CFHR3: variants seen among roughly 807,000 people sequenced by gnomAD.
The protein encoded by CFHR3 is complement factor H-related protein 3.
Under a neutral mutation model 36.0 loss-of-function variants are expected in CFHR3, and 22 were observed. That is an observed-to-expected ratio of 0.61 (90% confidence interval 0.44 to 0.87). CFHR3 has a LOEUF of 0.87. Ranked by LOEUF, CFHR3 falls within the 40% of genes least tolerant of loss-of-function variation. The pLI, the probability that CFHR3 is intolerant of heterozygous loss-of-function variation, is 0.00. For synonymous variants in CFHR3, 97 were observed against 137.4 expected, an observed-to-expected ratio of 0.71 and a Z score of 2.06; for missense variants, 276 against 401.3, an observed-to-expected ratio of 0.69 and a Z score of 2.67.
intron 1 of CFHR3, among the ~76,000 whole-genome samples, chr1:196,776,621 C>T (rs747297400): frequency 7.3e-6 from 1 of 136,086 alleles, no homozygotes; most frequent in African/African-American, 3.1e-5. Flanking sequence ...AGAAAACAAC[C>T]ATTTACAAGG....
rs749235507 is a variant in CFHR3 at position 196,788,828 on chromosome 1, T to C, written c.613+430T>C. 1.3e-5 allele frequency: 19 copies of C among 1,456,580 alleles called. 5 individuals carry two copies. The South Asian group carries it at 2.3e-4, about 17-fold the overall frequency. The allele number at this position is 1,456,580 out of a possible 1,614,324, so 90.2% of individuals were successfully genotyped here. A position where few individuals can be genotyped will look rare whatever the true frequency, so the allele number is the denominator to read the frequency against. On this transcript the variant is annotated intron_variant, in intron 4 of 5. Coordinates refer to ENST00000367425, the MANE Select transcript of CFHR3 (RefSeq NM_021023.6). ...TGAGTGCTTAATTCTGAATTTCTGCTAGCGTCAGGAGAATCAGACCTTAAT... is the reference window on the plus strand; with the variant it reads ...TGAGTGCTTAATTCTGAATTTCTGCCAGCGTCAGGAGAATCAGACCTTAAT...
In CFHR3 at chr1:196,789,618, A is replaced by G. The variant is rs1654343380; in HGVS notation, c.614-427A>G. On this transcript the variant is annotated intron_variant, in intron 4 of 5. Coordinates refer to ENST00000367425, the MANE Select transcript of CFHR3 (RefSeq NM_021023.6). ...CATAAATGGTTACATTAACTTTTAA[A>G]TTCACAAATTTAAAAGCGGTTTAAG... The G allele has an allele frequency of 1.9e-5, 26 of 1,382,174 alleles. 3 individuals are homozygous for G. The highest frequency in any genetic ancestry group is 2.4e-5 in the Non-Finnish European group (25 of 1,038,426). The allele number at this position is 1,382,174 out of a possible 1,614,324, so 85.6% of individuals were successfully genotyped here. A position where few individuals can be genotyped will look rare whatever the true frequency, so the allele number is the denominator to read the frequency against.
Position 196,790,096 on chromosome 1 carries a change from C to T in CFHR3, c.665C>T (p.Thr222Ile), listed in dbSNP as rs768616119. The change falls in exon 5 of 6, where the codon ACC (threonine) becomes ATC (isoleucine). Residue 222 changes from threonine (T) to isoleucine (I), a missense_variant. This residue lies in a region of CFHR3 where 22 missense variants were observed against 74.3 expected (regional missense o/e 0.30). Transcript: ENST00000367425. ...PPPPISNGDT[T>I]SFLLKVYVPQ... ...CCACCTATTAGCAATGGTGATACCACCTCCTTTCTACTAAAAGTGTATGTG... is the reference window on the plus strand; with the variant it reads ...CCACCTATTAGCAATGGTGATACCATCTCCTTTCTACTAAAAGTGTATGTG... The T allele has an allele frequency of 2.2e-6, 3 of 1,370,346 alleles. No homozygotes were observed. Among genetic ancestry groups the T allele is most frequent in the Non-Finnish European group, 1.9e-6 (2 of 1,029,286 alleles). 84.9% of individuals were successfully genotyped at this position (1,370,346 alleles called of 1,614,324 possible).
intron 1 of CFHR3, among the ~76,000 whole-genome samples, chr1:196,775,238 G>C (rs1249474802): frequency 7.3e-6 from 1 of 136,790 alleles, no homozygotes; most frequent in Non-Finnish European, 1.6e-5. Flanking sequence ...CTTTAAGTAG[G>C]AAACATGTCA....
chr1:196,780,932 C>T (rs1653922442), intron 3 of CFHR3, among the ~76,000 whole-genome samples: 1 of 118,544 alleles, frequency 8.4e-6, no homozygotes, highest in African/African-American at 3.8e-5. Context: ...GGTATATCTC[C>T]TAATACTATC....
chr1:196,784,122 T>C lies in CFHR3; in HGVS notation c.431-4094T>C, dbSNP rs1489194558. 3.7e-5 allele frequency among the ~76,000 whole-genome samples: 5 copies of C among 136,506 alleles called. 1 individual carries two copies. Among genetic ancestry groups the C allele is most frequent in the Non-Finnish European group, 7.8e-5 (5 of 64,506 alleles). 89.6% of individuals were successfully genotyped at this position (136,506 alleles called of 152,430 possible). On this transcript the variant is annotated intron_variant, in intron 3 of 5. Coordinates refer to ENST00000367425, the MANE Select transcript of CFHR3 (RefSeq NM_021023.6). ...ATGTAGTTGAGCAGTTTTGAGTGAG[T>C]TTCTTAATCCTGAGTTCTAGTTTGA... is the stretch of plus-strand genomic sequence containing the variant.
chr1:196,790,973 A>G lies in CFHR3; in HGVS notation c.796+746A>G, dbSNP rs1440770123. On this transcript the variant is annotated intron_variant, in intron 5 of 5. Transcript: ENST00000367425. ...TAACACTTAGGTAAAGAGTTTTCAAACAGTTCTGAAAACATTGTTTCAAAA... is the reference window on the plus strand; with the variant it reads ...TAACACTTAGGTAAAGAGTTTTCAAGCAGTTCTGAAAACATTGTTTCAAAA... Among the ~76,000 whole-genome samples, 105 of 136,272 alleles carry G rather than the reference A, an allele frequency of 7.7e-4. 22 individuals carry two copies. Among genetic ancestry groups the G allele is most frequent in the African/African-American group, 1.2e-3 (38 of 32,676 alleles). 89.4% of individuals were successfully genotyped at this position (136,272 alleles called of 152,430 possible).
Position 196,790,786 on chromosome 1 carries a change from CAGA to C in CFHR3, c.796+570_796+572del, listed in dbSNP as rs1420851285. 1.7e-3 allele frequency among the ~76,000 whole-genome samples: 213 copies of C among 126,162 alleles called. 42 individuals carry two copies. Among genetic ancestry groups the C allele is most frequent in the African/African-American group, 6.9e-3 (196 of 28,500 alleles). 82.8% of individuals were successfully genotyped at this position (126,162 alleles called of 152,430 possible). A position where few individuals can be genotyped will look rare whatever the true frequency, so the allele number is the denominator to read the frequency against. Reference sequence around the variant, plus strand: ...TAAATAAATAAATAAATAAATAAAACAGAAGAAGAAGAAAAGAAAAAGAGAAAA... The same window carrying C: ...TAAATAAATAAATAAATAAATAAAACAGAAGAAGAAAAGAAAAAGAGAAAA... On this transcript the variant is annotated intron_variant, in intron 5 of 5. Coordinates refer to ENST00000367425, the MANE Select transcript of CFHR3 (RefSeq NM_021023.6).
chr1:196,784,991 C>A lies in CFHR3; in HGVS notation c.431-3225C>A, dbSNP rs1261605759. Among the ~76,000 whole-genome samples, 7 of 136,148 alleles carry A rather than the reference C, an allele frequency of 5.1e-5. 1 individual carries two copies. Among genetic ancestry groups the A allele is most frequent in the Admixed American group, 1.4e-4 (2 of 14,194 alleles). The allele number at this position is 136,148 out of a possible 152,430, so 89.3% of individuals were successfully genotyped here. ...GCTTCCTTCAGGAGCTCTTTTAGGGCAGGCCTGGTGGTGACAAAATCTCTC... is the reference window on the plus strand; with the variant it reads ...GCTTCCTTCAGGAGCTCTTTTAGGGAAGGCCTGGTGGTGACAAAATCTCTC... On this transcript the variant is annotated intron_variant, in intron 3 of 5. Transcript: ENST00000367425.
intron 3 of CFHR3, among the ~76,000 whole-genome samples, chr1:196,780,443 T>C (rs1191098103): frequency 7.3e-6 from 1 of 137,830 alleles, no homozygotes; most frequent in Non-Finnish European, 1.5e-5. Flanking sequence ...CACATTTTAA[T>C]ATTTACAAGT....
rs1456029804 is a variant in CFHR3 at position 196,784,932 on chromosome 1, T to C, written c.431-3284T>C. On this transcript the variant is annotated intron_variant, in intron 3 of 5. Transcript: ENST00000367425. ...TTTACATTTTGGCATGATTTTGCAG[T>C]GGCTGGTACCAGTTGTTCCTTTCCA... is the stretch of plus-strand genomic sequence containing the variant. Among the ~76,000 whole-genome samples the C allele has an allele frequency of 2.5e-4, 34 of 137,832 alleles. 4 individuals are homozygous for C. The highest frequency in any genetic ancestry group is 5.6e-4 in the Admixed American group (8 of 14,382). 90.4% of individuals were successfully genotyped at this position (137,832 alleles called of 152,430 possible).
chr1:196,793,211 G>A, intron 5 of CFHR3, 106 bp from the exon 6 acceptor site: 1 of 1,060,316 alleles, frequency 9.4e-7, no homozygotes. Flanking sequence ...TTAACTATTT[G>A]GATTATTTTA....
At chr1:196,780,913 T>C (rs1246106258) in intron 3 of CFHR3, among the ~76,000 whole-genome samples, 1 of 129,280 alleles carries the variant, frequency 7.7e-6, no homozygotes, top group East Asian at 2.0e-4. Context: ...AACTCATCAT[T>C]TAGCATTAGG....
chr1:196,783,692 CT>C (rs1484611625), intron 3 of CFHR3, among the ~76,000 whole-genome samples: 1 of 135,972 alleles, frequency 7.4e-6, no homozygotes, highest in Non-Finnish European at 1.6e-5. Context: ...ATTCATCTCT[CT>C]TTTTTTCTTT....
In CFHR3 at chr1:196,791,335, T is replaced by C. The variant is rs1226385190; in HGVS notation, c.796+1108T>C. ...CTCAAAAAATATAAGCCACAATGATTATGGCAACAACAAGAAAACCTAAAA... is the reference window on the plus strand; with the variant it reads ...CTCAAAAAATATAAGCCACAATGATCATGGCAACAACAAGAAAACCTAAAA... On this transcript the variant is annotated intron_variant, in intron 5 of 5. Coordinates refer to ENST00000367425, the MANE Select transcript of CFHR3 (RefSeq NM_021023.6). Among the ~76,000 whole-genome samples, 3 of 136,534 alleles carry C rather than the reference T, an allele frequency of 2.2e-5. 1 individual carries two copies. Among genetic ancestry groups the C allele is most frequent in the African/African-American group, 6.2e-5 (2 of 32,488 alleles). The allele number at this position is 136,534 out of a possible 152,430, so 89.6% of individuals were successfully genotyped here. A position where few individuals can be genotyped will look rare whatever the true frequency, so the allele number is the denominator to read the frequency against.
chr1:196,784,481 G>C lies in CFHR3; in HGVS notation c.431-3735G>C, dbSNP rs536978628. On this transcript the variant is annotated intron_variant, in intron 3 of 5. Transcript: ENST00000367425. Reference sequence around the variant, plus strand: ...CTCCAGACTTGCTTTATGAATCTGGGTGCTCCTGTATTGGGTGCATATATA... The same window carrying C: ...CTCCAGACTTGCTTTATGAATCTGGCTGCTCCTGTATTGGGTGCATATATA... Among the ~76,000 whole-genome samples, 3 of 135,760 alleles carry C rather than the reference G, an allele frequency of 2.2e-5. No individual in the cohort carries two copies. In the South Asian group the frequency reaches 7.9e-4, roughly 36 times the overall value. 89.1% of individuals were successfully genotyped at this position (135,760 alleles called of 152,430 possible).
rs533366505 is a variant in CFHR3, at chr1:196,792,068, A to T, written c.797-1249A>T. On this transcript the variant is annotated intron_variant, in intron 5 of 5. Coordinates refer to ENST00000367425, the MANE Select transcript of CFHR3 (RefSeq NM_021023.6). The stretch of plus-strand genomic sequence containing the variant: ...ATGGCATATTAAAGCAATGAGGAAA[A>T]TTTTCCCAGGCAGCAGGAAACTTTA... Among the ~76,000 whole-genome samples the T allele has an allele frequency of 8.4e-5, 11 of 130,810 alleles. No individual in the cohort carries two copies. The East Asian group carries it at 2.2e-3, about 27-fold the overall frequency. The allele number at this position is 130,810 out of a possible 152,430, so 85.8% of individuals were successfully genotyped here.
rs754643554 is a variant in CFHR3 at position 196,779,941 on chromosome 1, G to A, written c.398G>A (p.Gly133Asp). The A allele has an allele frequency of 1.3e-6, 2 of 1,533,132 alleles. No homozygotes were observed. Among genetic ancestry groups the A allele is most frequent in the Admixed American group, 3.4e-5 (2 of 58,232 alleles). 95.0% of individuals were successfully genotyped at this position (1,533,132 alleles called of 1,614,324 possible). ...AQTTVTCTEK[G>D]WSPTPRCIRV... ...ACCACAGTTACATGTACGGAGAAAG[G>A]CTGGTCTCCTACTCCCAGATGCATC... The change falls in exon 3 of 6, where the codon GGC becomes GAC. Residue 133 changes from glycine (G) to aspartate (D), a missense_variant. Physicochemically the swap from Gly to Asp is moderately conservative, Grantham distance 94 (BLOSUM62 -1). Around this residue, in one of 3 missense-constraint regions of CFHR3, gnomAD observed 178 missense variants for 247.2 expected, o/e 0.72. Coordinates refer to ENST00000367425, the MANE Select transcript of CFHR3 (RefSeq NM_021023.6).
intron 3 of CFHR3, among the ~76,000 whole-genome samples, chr1:196,782,389 T>G (rs1653992430): frequency 7.3e-6 from 1 of 137,210 alleles, no homozygotes; most frequent in African/African-American, 3.0e-5. Context: ...TAAATTACCT[T>G]GGGCAGTATG....
Sources: gnomAD v4.1 joint callset for allele counts (sites outside exome capture counted in the v4.1 genomes callset) on GRCh38, gnomAD v4.1.1 for gene constraint, gnomAD v4.1.1 regional missense constraint, MANE v1.5 for transcripts, NCBI Gene and HGNC (gene_info 2026-07-23, HGNC 2026-07-21) for gene names.